Variants in NOL4L observed in about 807,000 individuals in gnomAD.
NOL4L encodes nucleolar protein 4 like.
In NOL4L, 7 loss-of-function variants were observed where a neutral mutation model predicts 64.5. The observed-to-expected ratio is 0.11, with a 90% confidence interval of 0.06 to 0.20. The LOEUF (loss-of-function observed/expected upper bound fraction) is 0.20. NOL4L is among the 10% of genes least tolerant of loss of function. The probability of loss-of-function intolerance (pLI) is 1.00; values close to 1 mark genes in which losing one functional copy is unlikely to be tolerated. For missense variants in NOL4L, 680 were observed against 967.1 expected (o/e 0.70, Z 3.94); for synonymous variants, 413 against 401.0 (o/e 1.03, Z -0.36).
intron 5 of NOL4L, among the ~76,000 whole-genome samples, chr20:32,458,296 C>G (rs1398696797): frequency 1.3e-5 from 2 of 152,246 alleles, no homozygotes; most frequent in Non-Finnish European, 2.9e-5. Context: ...TGCCATGACA[C>G]CTCCAGCTGA....
At chr20:32,499,289 T>C (rs2016823769) in intron 4 of NOL4L, among the ~76,000 whole-genome samples, 1 of 152,186 alleles carries the variant, frequency 6.6e-6, no homozygotes, top group Non-Finnish European at 1.5e-5. Flanking sequence ...ACTGGGCTCA[T>C]GGTGCTCCTG....
chr20:32,471,747 G>A (rs769240918), intron 5 of NOL4L, among the ~76,000 whole-genome samples: 6 of 152,116 alleles, frequency 3.9e-5, no homozygotes, highest in Middle Eastern at 3.2e-3. Context: ...GCTGGGTGCT[G>A]TATGGAGTGA....
At chr20:32,511,077 G>T (rs899365506) in intron 4 of NOL4L, 1 of 315,488 alleles carries the variant, frequency 3.2e-6, no homozygotes, top group East Asian at 5.7e-5. Context: ...TCCCTTCCAC[G>T]TCCCCTCCTC....
chr20:32,542,007 A>T lies in NOL4L; in HGVS notation c.322-14094T>A, dbSNP rs935357445. 2.6e-5 allele frequency among the ~76,000 whole-genome samples: 4 copies of T among 152,208 alleles called. No homozygotes were observed. In the South Asian group the frequency reaches 8.3e-4, roughly 32 times the overall value. ...CCCAAGTAGAGCCTCATGTTTATGG[A>T]TCTGGTCCTTCCCTGAGGCTGTCTG... On this transcript the variant is annotated intron_variant, in intron 1 of 10. Transcript: ENST00000621426.
At position 32,463,625 on chromosome 20, in the gene NOL4L, C is replaced by G. The variant is rs556992650; in HGVS notation, c.842-7230G>C. Reference sequence around the variant, plus strand: ...GAACATGGGGCAATGTGCTGCTATTCAAATGGAGGAATTAGTGATGAATGG... The same window carrying G: ...GAACATGGGGCAATGTGCTGCTATTGAAATGGAGGAATTAGTGATGAATGG... On this transcript the variant is annotated intron_variant, in intron 5 of 10. Transcript: ENST00000621426. The surrounding 1 kb of genome is among the most constrained non-coding windows in gnomAD (Gnocchi z 5.8). Among the ~76,000 whole-genome samples the G allele has an allele frequency of 7.2e-5, 11 of 152,226 alleles. No individual in the cohort carries two copies. The highest frequency in any genetic ancestry group is 1.0e-4 in the Non-Finnish European group (7 of 68,036).
chr20:32,514,025 C>T (rs371157538), intron 3 of NOL4L, among the ~76,000 whole-genome samples: 4 of 152,162 alleles, frequency 2.6e-5, no homozygotes, highest in East Asian at 1.9e-4. Context: ...GGTGGGGACC[C>T]GGAATAGCTG....
chr20:32,571,237 G>T (rs576088380), intron 1 of NOL4L, among the ~76,000 whole-genome samples: 1 of 152,194 alleles, frequency 6.6e-6, no homozygotes, highest in Non-Finnish European at 1.5e-5. Context: ...GCCCAGGCTG[G>T]AGTGCAGTGG....
At chr20:32,476,439 C>T (rs1042974451) in intron 4 of NOL4L, among the ~76,000 whole-genome samples, 2 of 152,186 alleles carry the variant, frequency 1.3e-5, no homozygotes, top group African/African-American at 2.4e-5. Context: ...GAACCAGGAA[C>T]GGGGCATCTT....
intron 10 of NOL4L, among the ~76,000 whole-genome samples, chr20:32,448,412 G>A (rs1028102158): frequency 6.6e-6 from 1 of 152,234 alleles, no homozygotes; most frequent in Non-Finnish European, 1.5e-5. Flanking sequence ...CTGTCCAGCT[G>A]GAGAGAGGCC....
At chr20:32,541,525 C>T (rs1176976007) in intron 1 of NOL4L, among the ~76,000 whole-genome samples, 1 of 152,138 alleles carries the variant, frequency 6.6e-6, no homozygotes, top group South Asian at 2.1e-4. Context: ...GATGGGCCGC[C>T]TGAAGCCGGC....
chr20:32,584,651 C>T lies in NOL4L; in HGVS notation c.240G>A (p.Val80=). Residue 80 remains valine (V), a synonymous_variant, in exon 1 of 11, where the codon GTG becomes GTA. Transcript: ENST00000621426. ...AGEKGKFQFW[V]RSKGFRLGSG... ...TGCCCAGGCGGAAGCCCTTGGAGCG[C>T]ACCCAGAACTGGAACTTGCCTTTCT... The T allele has an allele frequency of 2.6e-6, 4 of 1,546,230 alleles. No homozygotes were observed. Among genetic ancestry groups the T allele is most frequent in the Non-Finnish European group, 3.5e-6 (4 of 1,144,902 alleles).
At chr20:32,492,989 G>A (rs1307736864) in intron 4 of NOL4L, among the ~76,000 whole-genome samples, 1 of 152,076 alleles carries the variant, frequency 6.6e-6, no homozygotes, top group African/African-American at 2.4e-5. Context: ...CAGCAGAGCA[G>A]GAGGAATCCA....
At chr20:32,503,302 G>T (rs1176108161) in intron 4 of NOL4L, among the ~76,000 whole-genome samples, 3 of 152,216 alleles carry the variant, frequency 2.0e-5, no homozygotes, top group Admixed American at 2.0e-4. Flanking sequence ...GTGCTCTCAT[G>T]GTGGCAGGTT....
chr20:32,450,654 G>A (rs548780046), intron 10 of NOL4L, among the ~76,000 whole-genome samples: 33 of 152,270 alleles, frequency 2.2e-4, no homozygotes, highest in Middle Eastern at 3.4e-3. Context: ...CTTGGCAGCC[G>A]CAGCCCTGAA....
chr20:32,490,043 C>T (rs541843517), intron 4 of NOL4L, among the ~76,000 whole-genome samples: 154 of 139,714 alleles, frequency 1.1e-3, no homozygotes, highest in Non-Finnish European at 1.9e-3. Flanking sequence ...GCAGGAGAAT[C>T]GCTTGAACCC....
chr20:32,514,424 G>A (rs2017554524), intron 3 of NOL4L, among the ~76,000 whole-genome samples: 1 of 152,084 alleles, frequency 6.6e-6, no homozygotes, highest in African/African-American at 2.4e-5. Context: ...CCCGGGAGGT[G>A]GAGGTTGCAG....
At position 32,460,726 on chromosome 20, in the gene NOL4L, G is replaced by A. The variant is rs1395472996; in HGVS notation, c.842-4331C>T. On this transcript the variant is annotated intron_variant, in intron 5 of 10. Transcript: ENST00000621426. The surrounding 1 kb of genome is among the most constrained non-coding windows in gnomAD (Gnocchi z 5.7). ...TGCAACGGGGGCTTCTGGGGATCCC[G>A]GAGCCCAGCCTGTGACAGTCTGAGG... is the stretch of plus-strand genomic sequence containing the variant. Among the ~76,000 whole-genome samples, 2 of 152,168 alleles carry A rather than the reference G, an allele frequency of 1.3e-5. No individual in the cohort carries two copies. Among genetic ancestry groups the A allele is most frequent in the Admixed American group, 6.5e-5 (1 of 15,280 alleles).
chr20:32,557,401 C>T (rs531994243), intron 1 of NOL4L, among the ~76,000 whole-genome samples: 10 of 152,346 alleles, frequency 6.6e-5, no homozygotes, highest in Non-Finnish European at 8.8e-5. Flanking sequence ...ACAGAAGAGA[C>T]GCTCTGAAGG....
At chr20:32,457,760 C>T (rs1438903077) in intron 5 of NOL4L, among the ~76,000 whole-genome samples, 1 of 152,222 alleles carries the variant, frequency 6.6e-6, no homozygotes, top group African/African-American at 2.4e-5. Flanking sequence ...CCTCCATCCT[C>T]CCGCAGGGCA....
Sources: allele counts gnomAD v4.1 joint callset (sites outside exome capture counted in the v4.1 genomes callset), GRCh38; gene constraint gnomAD v4.1.1; non-coding constraint Gnocchi (gnomAD v3.1); transcripts MANE v1.5; gene names NCBI Gene and HGNC (gene_info 2026-07-23, HGNC 2026-07-21).